DDX17: variants seen among roughly 807,000 people sequenced by gnomAD.
DDX17 encodes the protein DEAD-box helicase 17.
DDX17 carries 10 observed loss-of-function variants against 80.8 expected under a neutral mutation model. The observed-to-expected ratio is 0.12, with a 90% CI of 0.08 to 0.21. The LOEUF is 0.21. Among genes scored for constraint, DDX17 ranks in the 10% least tolerant of loss-of-function variants. DDX17 has a pLI of 1.00. For missense variants in DDX17, 586 were observed against 957.4 expected (o/e 0.61, Z 5.12); for synonymous variants, 339 against 336.2 (o/e 1.01, Z -0.09).
Position 38,485,863 on chromosome 22 carries a change from G to GA in DDX17, c.*71dup, listed in dbSNP as rs200176863. On this transcript the variant is annotated 3_prime_UTR_variant, in exon 13 of 13. Transcript: ENST00000403230. The stretch of plus-strand genomic sequence containing the variant: ...GGAAAAAAAAAGAAAAGGCGAAGAG[G>GA]AAAAAAAAAGGAAAGACAGTGTTCC... 433 of 1,458,234 alleles carry GA rather than the reference G, an allele frequency of 3.0e-4. No individual in the cohort carries two copies. Among genetic ancestry groups the GA allele is most frequent in the East Asian group, 1.8e-3 (76 of 41,450 alleles). 90.3% of individuals were successfully genotyped at this position (1,458,234 alleles called of 1,614,324 possible). A position where few individuals can be genotyped will look rare whatever the true frequency, so the allele number is the denominator to read the frequency against.
chr22:38,488,826 T>A, intron 11 of DDX17: 1 of 985,462 alleles, frequency 1.0e-6, no homozygotes, highest in Non-Finnish European at 1.2e-6. Context: ...AAGCCCAGCT[T>A]CTGCCAAAAT....
rs969857451 is a variant in DDX17 at position 38,489,801 on chromosome 22, C to T, written c.1448-1686G>A. 4 of 985,230 alleles carry T rather than the reference C, an allele frequency of 4.1e-6. No homozygotes were observed. In the African/African-American group the frequency reaches 5.3e-5, roughly 13 times the overall value. 61.0% of individuals were successfully genotyped at this position (985,230 alleles called of 1,614,324 possible). ...GAGTCTCCGGCTAGGGTCGTTGACG[C>T]AACAAAGGAAAAAAGAATTTACAGG... is the stretch of plus-strand genomic sequence containing the variant. On this transcript the variant is annotated intron_variant, in intron 11 of 12. Coordinates refer to ENST00000403230, the MANE Select transcript of DDX17 (RefSeq NM_006386.5). The surrounding 1 kb of genome is among the most constrained non-coding windows in gnomAD (Gnocchi z 4.6).
chr22:38,485,786 A>T lies in DDX17; in HGVS notation c.*149T>A. On this transcript the variant is annotated 3_prime_UTR_variant, in exon 13 of 13. Coordinates refer to ENST00000403230, the MANE Select transcript of DDX17 (RefSeq NM_006386.5). ...GTGAATTCTAACTAATCTGCATGAA[A>T]AGACAAATCACGATGGTTGGGGGGA... 1 of 1,229,206 alleles carries T rather than the reference A, an allele frequency of 8.1e-7. No homozygotes were observed. The highest frequency in any genetic ancestry group is 1.1e-6 in the Non-Finnish European group (1 of 931,124). 76.1% of individuals were successfully genotyped at this position (1,229,206 alleles called of 1,614,324 possible). A position where few individuals can be genotyped will look rare whatever the true frequency, so the allele number is the denominator to read the frequency against.
chr22:38,488,212 T>C (rs761923737), intron 11 of DDX17, 97 bp from the exon 12 acceptor site: 1 of 1,602,538 alleles, frequency 6.2e-7, no homozygotes, highest in Non-Finnish European at 8.5e-7. Context: ...CGAATGCAGA[T>C]GACAGCAAGA....
intron 1 of DDX17, among the ~76,000 whole-genome samples, chr22:38,502,926 T>C (rs758946018): frequency 1.3e-5 from 2 of 152,226 alleles, no homozygotes; most frequent in Non-Finnish European, 2.9e-5. Flanking sequence ...GGCCTCAATT[T>C]CCTGCAATTC....
At position 38,506,204 on chromosome 22, in the gene DDX17, C is replaced by T. The variant is rs750858063; in HGVS notation, c.34G>A (p.Val12Ile). 8.1e-6 allele frequency: 13 copies of T among 1,607,544 alleles called. No homozygotes were observed. In the South Asian group the frequency reaches 1.4e-4, roughly 18 times the overall value. ...TCTCTCGTCGGAGACGGGAGCAAAACACAGAGAATCGGGGCTACAAAGCCG... is the reference window on the plus strand; with the variant it reads ...TCTCTCGTCGGAGACGGGAGCAAAATACAGAGAATCGGGGCTACAAAGCCG... Residue 12 changes from valine to isoleucine, a missense_variant, in exon 1 of 13, where the codon GTT becomes ATT. This residue lies in a region of DDX17 where 215 missense variants were observed against 238.4 expected (regional missense o/e 0.90). Transcript: ENST00000403230.
Position 38,493,767 on chromosome 22 carries a change from G to C in DDX17, c.1330C>G (p.Pro444Ala). 6.2e-7 allele frequency: 1 copy of C among 1,613,238 alleles called. No individual in the cohort carries two copies. Among genetic ancestry groups the C allele is most frequent in the Non-Finnish European group, 8.5e-7 (1 of 1,179,326 alleles). ...TTGTCTCCATGGATACACATAGCTG[G>C]CCAACTATCAGAAGAAAAGTGACCA... The change falls in exon 10 of 13, where the codon CCA becomes GCA. Residue 444 changes from proline to alanine, a missense_variant. Pro to Ala is a conservative substitution (Grantham distance 27, BLOSUM62 -1). This residue lies in a region of DDX17 where 141 missense variants were observed against 379.3 expected (regional missense o/e 0.37). Transcript: ENST00000403230.
At chr22:38,488,677 T>G in intron 11 of DDX17, 2 of 988,078 alleles carry the variant, frequency 2.0e-6, no homozygotes, top group Non-Finnish European at 2.4e-6. Context: ...ATTTAACTTT[T>G]TTTGCTCTTA....
At position 38,494,134 on chromosome 22, in the gene DDX17, G is replaced by C. The variant is rs1329359814; in HGVS notation, c.1215-3C>G. 1.3e-6 allele frequency: 2 copies of C among 1,593,874 alleles called. No homozygotes were observed. The highest frequency in any genetic ancestry group is 2.7e-5 in the African/African-American group (2 of 74,604). On this transcript the variant is annotated splice_region_variant and splice_polypyrimidine_tract_variant and intron_variant, in intron 8 of 12. Transcript: ENST00000403230. The stretch of plus-strand genomic sequence containing the variant: ...TTTCTTCCATTAGTTGGATCAACCT[G>C]AAAACATGACCAACAATGCAGTCAT...
rs1339736355 is a variant in DDX17, at chr22:38,498,161, G to A, written c.673-11C>T. 6.2e-7 allele frequency: 1 copy of A among 1,613,460 alleles called. No individual in the cohort carries two copies. Among genetic ancestry groups the A allele is most frequent in the Admixed American group, 1.7e-5 (1 of 59,942 alleles). ...TGCAGGCAGGAGATACTGTGGAGGGGGGAAAGAATGACAACCTTACGCTTA... is the reference window on the plus strand; with the variant it reads ...TGCAGGCAGGAGATACTGTGGAGGGAGGAAAGAATGACAACCTTACGCTTA... On this transcript the variant is annotated splice_polypyrimidine_tract_variant and intron_variant, in intron 4 of 12. Coordinates refer to ENST00000403230, the MANE Select transcript of DDX17 (RefSeq NM_006386.5).
intron 11 of DDX17, 77 bp from the exon 12 acceptor site, chr22:38,488,192 G>A: frequency 1.2e-6 from 2 of 1,608,488 alleles, no homozygotes; most frequent in Non-Finnish European, 1.7e-6. Context: ...CCAACAACAG[G>A]TGGGAAGCAC....
chr22:38,494,680 G>A lies in DDX17; in HGVS notation c.1164C>T (p.His388=). The change falls in exon 8 of 13, where the codon CAC becomes CAT. Residue 388 remains histidine, a synonymous_variant. Transcript: ENST00000403230. ...AGACATCCACTATCTGGAGGATGTT[G>A]TGGTTGGCACTCAACTCCAGATTGC... The A allele has an allele frequency of 6.2e-7, 1 of 1,614,188 alleles. No individual in the cohort carries two copies. Among genetic ancestry groups the A allele is most frequent in the Non-Finnish European group, 8.5e-7 (1 of 1,180,026 alleles).
intron 6 of DDX17, among the ~76,000 whole-genome samples, chr22:38,495,346 C>T (rs566456470): frequency 2.0e-5 from 3 of 149,934 alleles, no homozygotes; most frequent in East Asian, 2.0e-4. Context: ...CCCAGGTTCA[C>T]GCCATTCTCC....
At chr22:38,497,584 C>T (rs2089781896) in intron 5 of DDX17, among the ~76,000 whole-genome samples, 1 of 136,522 alleles carries the variant, frequency 7.3e-6, no homozygotes, top group Non-Finnish European at 1.5e-5. Context: ...CGCTACTGCA[C>T]TCCAGCCTGG....
chr22:38,487,895 T>G lies in DDX17; in HGVS notation c.1668A>C (p.Gly556=), dbSNP rs200061424. Residue 556 remains glycine (G), a synonymous_variant, in exon 12 of 13, where the codon GGA becomes GGC. Transcript: ENST00000403230. ...TACCCTTACCCCCGCCTCCGCCGCC[T>G]CCTCTGTGGTCCACAAGCTGCATCA... 2.2e-5 allele frequency: 36 copies of G among 1,614,204 alleles called. No homozygotes were observed. Among genetic ancestry groups the G allele is most frequent in the Non-Finnish European group, 2.6e-5 (31 of 1,180,028 alleles).
intron 3 of DDX17, 86 bp downstream of exon 3, chr22:38,499,314 C>T (rs1283047034): frequency 1.3e-5 from 13 of 1,014,380 alleles, no homozygotes; most frequent in Admixed American, 5.4e-5. Context: ...AAACCCCAAG[C>T]CTGGCTCAAA....
chr22:38,488,930 G>A (rs993553481), intron 11 of DDX17: 6 of 985,162 alleles, frequency 6.1e-6, no homozygotes, highest in Non-Finnish European at 6.0e-6. Flanking sequence ...TAAATTAATA[G>A]CCAAAGAACG....
At chr22:38,488,224 G>A (rs748009112) in intron 11 of DDX17, 109 bp from the exon 12 acceptor site, 6 of 1,593,734 alleles carry the variant, frequency 3.8e-6, no homozygotes, top group Non-Finnish European at 5.1e-6. Flanking sequence ...ACAGCAAGAG[G>A]AAAGAAGGTG....
At chr22:38,501,325 A>C (rs2089828715) in intron 1 of DDX17, 45 bp from the exon 2 acceptor site, 1 of 1,583,004 alleles carries the variant, frequency 6.3e-7, no homozygotes, top group South Asian at 1.1e-5. Flanking sequence ...TTTTAAAGCA[A>C]CGTATCGTAC....
Sources: gnomAD v4.1 joint callset for allele counts (sites outside exome capture counted in the v4.1 genomes callset) on GRCh38, gnomAD v4.1.1 for gene constraint, gnomAD v4.1.1 regional missense constraint, Gnocchi (gnomAD v3.1) non-coding constraint, MANE v1.5 for transcripts, NCBI Gene and HGNC (gene_info 2026-07-23, HGNC 2026-07-21) for gene names.